The following ZNF226 variants were observed in gnomAD, a reference collection of about 807,000 sequenced individuals.
The protein encoded by ZNF226 is Kruppel-associated box protein.
In ZNF226, 6 loss-of-function variants were observed where a neutral mutation model predicts 11.4. That is an observed-to-expected ratio of 0.53 (90% confidence interval 0.29 to 1.04). The LOEUF is 1.04. Among genes scored for constraint, ZNF226 ranks in the 50% least tolerant of loss-of-function variants. The pLI is 0.08. For missense variants in ZNF226, 1,058 were observed against 956.5 expected (o/e 1.11, Z -1.40); for synonymous variants, 350 against 322.8 (o/e 1.08, Z -0.90).
rs148831920 is a variant in ZNF226 at position 44,175,621 on chromosome 19, A to G, written c.359A>G (p.Asn120Ser). 1.6e-4 allele frequency: 259 copies of G among 1,613,936 alleles called. No homozygotes were observed. In the African/African-American group the frequency reaches 3.1e-3, roughly 19 times the overall value. ...DLTRCQDSMI[N>S]NSQCHKQGDF... ...ACCAGGTGTCAAGACTCCATGATCA[A>G]TAATTCTCAGTGTCACAAACAAGGT... The change falls in exon 6 of 6, where the codon AAT becomes AGT. Residue 120 changes from asparagine to serine, a missense_variant. By Grantham distance (46) the Asn-to-Ser change is conservative. Coordinates refer to ENST00000337433, the MANE Select transcript of ZNF226 (RefSeq NM_001032373.2).
At chr19:44,179,446 A>T (rs746296432), downstream of ZNF226, among the ~76,000 whole-genome samples, 1 of 152,242 alleles carries the variant, frequency 6.6e-6, no homozygotes, top group Non-Finnish European at 1.5e-5. Flanking sequence ...ATCATATAGC[A>T]TATAAGGCCA....
intron 4 of ZNF226, 127 bp from the exon 5 acceptor site, chr19:44,172,733 C>T: frequency 1.4e-6 from 1 of 712,060 alleles, no homozygotes; most frequent in Non-Finnish European, 2.3e-6. Flanking sequence ...TTACTGAAGT[C>T]ACAATTTAAA....
the ZNF226 span, among the ~76,000 whole-genome samples, chr19:44,195,863 A>G: frequency 1.3e-5 from 2 of 152,220 alleles, no homozygotes; most frequent in African/African-American, 2.4e-5. Context: ...GCTATAATCA[A>G]TTGAATGAAG....
the ZNF226 span, among the ~76,000 whole-genome samples, chr19:44,189,185 G>T: frequency 6.6e-6 from 1 of 152,126 alleles, no homozygotes; most frequent in Non-Finnish European, 1.5e-5. Flanking sequence ...GTTAGGAGTT[G>T]TACTTCCACA....
At chr19:44,170,554 G>GT (rs1969966599) in intron 3 of ZNF226, among the ~76,000 whole-genome samples, 1 of 152,008 alleles carries the variant, frequency 6.6e-6, no homozygotes, top group Non-Finnish European at 1.5e-5. Flanking sequence ...GGCTAACATG[G>GT]AAACCCCATC....
intron 3 of ZNF226, among the ~76,000 whole-genome samples, chr19:44,171,402 C>T (rs1289572882): frequency 6.6e-6 from 1 of 152,144 alleles, no homozygotes; most frequent in East Asian, 1.9e-4. Context: ...TGTGTGTTTA[C>T]TGGTCTTTTT....
chr19:44,166,537 T>A (rs757463028), intron 2 of ZNF226, among the ~76,000 whole-genome samples: 25 of 152,188 alleles, frequency 1.6e-4, no homozygotes, highest in Non-Finnish European at 3.4e-4. Context: ...GTTTTCTCAA[T>A]TATTAGTTTT....
At chr19:44,186,208 T>C in the ZNF226 span, among the ~76,000 whole-genome samples, 4 of 152,008 alleles carry the variant, frequency 2.6e-5, no homozygotes, top group African/African-American at 9.7e-5. Context: ...GCATACAAAT[T>C]TTAGAATTTT....
chr19:44,196,651 A>G, the ZNF226 span, among the ~76,000 whole-genome samples: 1 of 152,160 alleles, frequency 6.6e-6, no homozygotes, highest in African/African-American at 2.4e-5. Context: ...ACTTTACAAA[A>G]TGTTTTATTT....
the ZNF226 span, among the ~76,000 whole-genome samples, chr19:44,186,917 T>C: frequency 6.6e-6 from 1 of 151,778 alleles, no homozygotes; most frequent in Non-Finnish European, 1.5e-5. Flanking sequence ...TTTTGTTATG[T>C]GGTGTATTAC....
downstream of ZNF226, among the ~76,000 whole-genome samples, chr19:44,178,763 AAGT>A (rs1259038608): frequency 6.6e-6 from 1 of 152,210 alleles, no homozygotes; most frequent in Non-Finnish European, 1.5e-5. Flanking sequence ...TAGAAAATGT[AAGT>A]AGCACATCAG....
At chr19:44,175,036 T>A (rs1970554380) in intron 5 of ZNF226, 1 of 1,611,578 alleles carries the variant, frequency 6.2e-7, no homozygotes, top group African/African-American at 1.3e-5. Flanking sequence ...AAACTTAAAC[T>A]TGGATTTGAA....
chr19:44,196,712 T>C, the ZNF226 span, among the ~76,000 whole-genome samples: 1 of 152,188 alleles, frequency 6.6e-6, no homozygotes, highest in Non-Finnish European at 1.5e-5. Flanking sequence ...CAGTCATTTT[T>C]CAAAAAATGA....
chr19:44,171,499 A>T (rs1970088447), intron 3 of ZNF226, among the ~76,000 whole-genome samples: 2 of 152,154 alleles, frequency 1.3e-5, no homozygotes, highest in Admixed American at 6.5e-5. Context: ...AAGCACTTAC[A>T]CTCTGCCCCT....
rs201558157 is a variant in ZNF226, at chr19:44,176,574, C to T, written c.1312C>T (p.Gln438Ter). 2.5e-6 allele frequency: 4 copies of T among 1,614,094 alleles called. No homozygotes were observed. Among genetic ancestry groups the T allele is most frequent in the Non-Finnish European group, 3.4e-6 (4 of 1,180,010 alleles). Residue 438 changes from glutamine to a stop codon, truncating the protein, a stop_gained, in exon 6 of 6, where the codon CAG becomes TAG. Transcript: ENST00000337433. LOFTEE classifies it low-confidence loss of function (END_TRUNC). ...FICSSNLYIH[Q>*]RVHTGEKPYK... is the part of the protein sequence containing the mutation. Reference sequence around the variant, plus strand: ...TTGTAGCTCAAATCTTTACATTCATCAGAGAGTCCACACAGGAGAAAAACC... The same window carrying T: ...TTGTAGCTCAAATCTTTACATTCATTAGAGAGTCCACACAGGAGAAAAACC...
At chr19:44,166,068 C>G (rs894913368) in intron 2 of ZNF226, among the ~76,000 whole-genome samples, 3 of 152,200 alleles carry the variant, frequency 2.0e-5, no homozygotes, top group Admixed American at 6.5e-5. Context: ...AGCATTGAAA[C>G]CGAGGCAGTC....
At chr19:44,187,881 C>T in the ZNF226 span, among the ~76,000 whole-genome samples, 50 of 151,972 alleles carry the variant, frequency 3.3e-4, 1 homozygote, top group South Asian at 6.6e-3. This position sits in a 1 kb window ranked among gnomAD's most constrained non-coding sequence, Gnocchi z 4.0. Context: ...TATTTTTTGG[C>T]CCATTGGTTG....
Position 44,172,921 on chromosome 19 carries a change from G to T in ZNF226, c.204G>T (p.Met68Ile). 1 of 1,605,180 alleles carries T rather than the reference G, an allele frequency of 6.2e-7. No homozygotes were observed. Among genetic ancestry groups the T allele is most frequent in the Non-Finnish European group, 8.5e-7 (1 of 1,175,748 alleles). Residue 68 changes from methionine (M) to isoleucine (I), a missense_variant, in exon 5 of 6, where the codon ATG (methionine) becomes ATT (isoleucine). Coordinates refer to ENST00000337433, the MANE Select transcript of ZNF226 (RefSeq NM_001032373.2). Reference protein sequence around the residue: ...PIERNEQLWIMTTATRRQGNL... With the variant: ...PIERNEQLWIITTATRRQGNL... ...AAAGAAATGAGCAGCTTTGGATAAT[G>T]ACGACAGCAACCCGAAGACAGGGAA...
chr19:44,174,975 G>C, intron 5 of ZNF226: 7 of 1,608,752 alleles, frequency 4.4e-6, no homozygotes, highest in Non-Finnish European at 5.1e-6. Flanking sequence ...AGTTCTTTTT[G>C]TATTTCAGAT....
Sources: gnomAD v4.1 joint callset for allele counts (sites outside exome capture counted in the v4.1 genomes callset) on GRCh38, gnomAD v4.1.1 for gene constraint, Gnocchi (gnomAD v3.1) non-coding constraint, MANE v1.5 for transcripts, NCBI Gene and HGNC (gene_info 2026-07-23, HGNC 2026-07-21) for gene names.